Variants in ERCC3 observed in about 807,000 individuals in gnomAD.
The protein encoded by ERCC3 is ERCC excision repair 3, TFIIH core complex helicase subunit.
A neutral mutation model predicts 94.2 loss-of-function variants in ERCC3; 66 were observed. The ratio of observed to expected loss-of-function variants is 0.70; its 90% CI spans 0.57 to 0.86. The LOEUF (loss-of-function observed/expected upper bound fraction) is 0.86. Among genes scored for constraint, ERCC3 ranks in the 40% least tolerant of loss-of-function variants. The pLI, the probability that ERCC3 is intolerant of heterozygous loss-of-function variation, is 0.00. For missense variants in ERCC3, 829 were observed against 987.1 expected (o/e 0.84, Z 2.15); for synonymous variants, 349 against 369.1 (o/e 0.95, Z 0.63).
At chr2:127,261,430 G>C (rs539766282) in intron 12 of ERCC3, 84 bp from the exon 13 acceptor site, 2 of 889,666 alleles carry the variant, frequency 2.2e-6, no homozygotes, top group Non-Finnish European at 3.8e-6. Flanking sequence ...AGGCTCAAAA[G>C]CAAGCACTGG....
chr2:127,293,088 C>T (rs949198111), intron 2 of ERCC3, among the ~76,000 whole-genome samples: 15 of 152,200 alleles, frequency 9.9e-5, no homozygotes, highest in Non-Finnish European at 2.9e-5. Flanking sequence ...AGAGAAAGCC[C>T]ATCTTACTGG....
intron 12 of ERCC3, among the ~76,000 whole-genome samples, chr2:127,263,705 C>CT (rs869251137): frequency 1.7e-3 from 151 of 88,750 alleles, no homozygotes; most frequent in Admixed American, 2.0e-3. Flanking sequence ...TGTTCCAGTT[C>CT]TTTTTTTTTT....
At chr2:127,273,749 C>CAAAAAAA (rs398039596) in intron 10 of ERCC3, among the ~76,000 whole-genome samples, 1 of 40,120 alleles carries the variant, frequency 2.5e-5, no homozygotes, top group Admixed American at 3.4e-4. Context: ...AACTCTGTCT[C>CAAAAAAA]AAAAAAAAAA....
In ERCC3 at chr2:127,280,252, A is replaced by G. The variant is rs1684866048; in HGVS notation, c.1527+195T>C. On this transcript the variant is annotated intron_variant, in intron 9 of 14. Coordinates refer to ENST00000285398, the MANE Select transcript of ERCC3 (RefSeq NM_000122.2). This position sits in a 1 kb window ranked among gnomAD's most constrained non-coding sequence, Gnocchi z 6.3. ...TCACAAATTCAGGGGTATGTGAGAT[A>G]TGTGACAAGACAGAAGATATGCAGC... Among the ~76,000 whole-genome samples, 2 of 152,224 alleles carry G rather than the reference A, an allele frequency of 1.3e-5. No individual in the cohort carries two copies. The highest frequency in any genetic ancestry group is 4.1e-4 in the South Asian group (2 of 4,834).
Position 127,274,063 on chromosome 2 carries a change from C to T in ERCC3, c.1731-1102G>A, listed in dbSNP as rs1039139791. ...GCGCGGTGGCTCACACCTGTAATCC[C>T]AGCACTTTGGGAGGCGGAGGTGGGT... On this transcript the variant is annotated intron_variant, in intron 10 of 14. Transcript: ENST00000285398. This position sits in a 1 kb window ranked among gnomAD's most constrained non-coding sequence, Gnocchi z 4.0. Among the ~76,000 whole-genome samples the T allele has an allele frequency of 2.0e-5, 3 of 151,246 alleles. No individual in the cohort carries two copies. Among genetic ancestry groups the T allele is most frequent in the African/African-American group, 7.3e-5 (3 of 41,138 alleles).
rs780822498 is a variant in ERCC3 at position 127,259,499 on chromosome 2, C to T, written c.2065-51G>A. 54 of 1,610,942 alleles carry T rather than the reference C, an allele frequency of 3.4e-5. No individual in the cohort carries two copies. The highest frequency in any genetic ancestry group is 3.1e-5 in the Non-Finnish European group (37 of 1,179,212). ...GCCCCTTTCTGCTCTCTCTCCCCAGCCCTCCTCTGCCTTCTCCTGGGTCCA... is the reference window on the plus strand; with the variant it reads ...GCCCCTTTCTGCTCTCTCTCCCCAGTCCTCCTCTGCCTTCTCCTGGGTCCA... On this transcript the variant is annotated intron_variant, in intron 13 of 14. Transcript: ENST00000285398. The surrounding 1 kb of genome is among the most constrained non-coding windows in gnomAD (Gnocchi z 4.9).
rs538080445 is a variant in ERCC3, at chr2:127,286,997, C to T, written c.1048G>A (p.Gly350Ser). The T allele has an allele frequency of 4.3e-6, 7 of 1,612,936 alleles. No homozygotes were observed. In the African/African-American group the frequency reaches 8.0e-5, roughly 18 times the overall value. The stretch of plus-strand genomic sequence containing the variant: ...CTGACAGTGCATGCAGCAGTCACAC[C>T]AACCAGGGACTTTCCAGCACCTACA... ...LPCGAGKSLV[G>S]VTAACTVRKR... is the part of the protein sequence containing the mutation. Residue 350 changes from glycine (G) to serine (S), a missense_variant, in exon 8 of 15, where the codon GGT becomes AGT. By Grantham distance (56) the Gly-to-Ser change is moderately conservative. Transcript: ENST00000285398.
At chr2:127,267,222 G>A (rs1684403390) in intron 12 of ERCC3, among the ~76,000 whole-genome samples, 1 of 152,130 alleles carries the variant, frequency 6.6e-6, no homozygotes, top group African/African-American at 2.4e-5. Flanking sequence ...TTGTTGTGTG[G>A]CTGTCTAAGC....
intron 13 of ERCC3, 53 bp downstream of exon 13, chr2:127,261,175 G>T: frequency 2.0e-6 from 2 of 1,025,054 alleles, no homozygotes; most frequent in Non-Finnish European, 1.6e-6. Flanking sequence ...TGGAGGCCAG[G>T]GTATCAAGAA....
chr2:127,275,996 T>C (rs1385987449), intron 10 of ERCC3, among the ~76,000 whole-genome samples: 2 of 151,930 alleles, frequency 1.3e-5, no homozygotes, highest in Non-Finnish European at 2.9e-5. Context: ...GGACTGGCAG[T>C]GTGTGAGTGT....
Position 127,274,474 on chromosome 2 carries a change from GC to G in ERCC3, c.1731-1514del, listed in dbSNP as rs1282627913. ...GGAACCTGGGAGTGGCTGCTCCACT[GC>G]CGAGGCCCGTTAGCACCCAGAGCAG... On this transcript the variant is annotated intron_variant, in intron 10 of 14. Transcript: ENST00000285398. The surrounding 1 kb of genome is among the most constrained non-coding windows in gnomAD (Gnocchi z 4.0). 6.6e-6 allele frequency among the ~76,000 whole-genome samples: 1 copy of G among 152,202 alleles called. No homozygotes were observed. Among genetic ancestry groups the G allele is most frequent in the Non-Finnish European group, 1.5e-5 (1 of 68,032 alleles).
intron 1 of ERCC3, 109 bp from the exon 2 acceptor site, chr2:127,293,827 C>A (rs937868138): frequency 6.3e-7 from 1 of 1,591,846 alleles, no homozygotes; most frequent in African/African-American, 1.3e-5. Context: ...CTAAGAGCCA[C>A]CTGCATCCCG....
At chr2:127,272,416 C>T (rs1257567831) in intron 11 of ERCC3, among the ~76,000 whole-genome samples, 1 of 152,080 alleles carries the variant, frequency 6.6e-6, no homozygotes, top group Non-Finnish European at 1.5e-5. Context: ...GCAGAGTAAA[C>T]CATCCCTGAG....
At position 127,279,203 on chromosome 2, in the gene ERCC3, G is replaced by A. The variant is rs1474396878; in HGVS notation, c.1700C>T (p.Ala567Val). ...KIIVFADNVF[A>V]LKEYAIRLNK... Reference sequence around the variant, plus strand: ...CAGTCGAATGGCATATTCCTTTAGGGCAAACACATTGTCAGCAAAGACAAT... The same window carrying A: ...CAGTCGAATGGCATATTCCTTTAGGACAAACACATTGTCAGCAAAGACAAT... Residue 567 changes from alanine (A) to valine (V), a missense_variant, in exon 10 of 15, where the codon GCC becomes GTC. Ala to Val is a moderately conservative substitution (Grantham distance 64). Transcript: ENST00000285398. The surrounding 1 kb of genome is among the most constrained non-coding windows in gnomAD (Gnocchi z 4.7). 2 of 1,613,390 alleles carry A rather than the reference G, an allele frequency of 1.2e-6. No individual in the cohort carries two copies. The highest frequency in any genetic ancestry group is 1.7e-6 in the Non-Finnish European group (2 of 1,179,402).
In ERCC3 at chr2:127,290,244, C is replaced by T; in HGVS notation, c.501G>A (p.Lys167=). ...KLCTVSYGKV[K]LVLKHNRYFV... ...CTTACCTGTTGTGCTTCAAGACCAG[C>T]TTGACTTTTCCATAGCTGACAGTAC... Residue 167 remains lysine (K), a synonymous_variant, in exon 4 of 15, where the codon AAG becomes AAA. Transcript: ENST00000285398. 1 of 1,614,086 alleles carries T rather than the reference C, an allele frequency of 6.2e-7. No individual in the cohort carries two copies. The highest frequency in any genetic ancestry group is 8.5e-7 in the Non-Finnish European group (1 of 1,179,916).
chr2:127,278,969 C>G (rs1203302255), intron 10 of ERCC3, among the ~76,000 whole-genome samples: 4 of 152,222 alleles, frequency 2.6e-5, no homozygotes, highest in Admixed American at 1.3e-4. Flanking sequence ...GACTAGCCCC[C>G]CTTTTCTCTA....
In ERCC3 at chr2:127,286,742, A is replaced by G. The variant is rs762669491; in HGVS notation, c.1303T>C (p.Trp435Arg). ...RVMEWLKTQE[W>R]GLMILDEVHT... ...ACTTCATCCAGGATCATGAGGCCCC[A>G]CTCCTGGGTCTTGAGCCACTCCATG... Residue 435 changes from tryptophan to arginine, a missense_variant, in exon 8 of 15, where the codon TGG (tryptophan) becomes CGG (arginine). Coordinates refer to ENST00000285398, the MANE Select transcript of ERCC3 (RefSeq NM_000122.2). The G allele has an allele frequency of 4.3e-6, 7 of 1,613,322 alleles. No homozygotes were observed. Among genetic ancestry groups the G allele is most frequent in the Non-Finnish European group, 5.9e-6 (7 of 1,179,858 alleles).
At chr2:127,278,825 C>G (rs916046180) in intron 10 of ERCC3, among the ~76,000 whole-genome samples, 10 of 152,356 alleles carry the variant, frequency 6.6e-5, no homozygotes, top group Non-Finnish European at 1.5e-4. Flanking sequence ...AGTCTGGCCT[C>G]CTCTCCACCC....
intron 5 of ERCC3, 45 bp from the exon 6 acceptor site, chr2:127,289,546 T>C (rs1358006040): frequency 6.2e-7 from 1 of 1,610,294 alleles, no homozygotes. Flanking sequence ...CATTTAATTC[T>C]GCTGTTATCA....
Sources: gnomAD v4.1 joint callset for allele counts (sites outside exome capture counted in the v4.1 genomes callset) on GRCh38, gnomAD v4.1.1 for gene constraint, Gnocchi (gnomAD v3.1) non-coding constraint, MANE v1.5 for transcripts, NCBI Gene and HGNC (gene_info 2026-07-23, HGNC 2026-07-21) for gene names.